Variants in SDCCAG8 observed in about 807,000 individuals in gnomAD.
SDCCAG8 encodes SHH signaling and ciliogenesis regulator SDCCAG8, also known as serologically defined colon cancer antigen 8.
In SDCCAG8, 74 loss-of-function variants were observed where a neutral mutation model predicts 101.8. That is an observed-to-expected ratio of 0.73 (90% confidence interval 0.60 to 0.88). The LOEUF is 0.88. SDCCAG8 is among the 40% of genes least tolerant of loss of function. SDCCAG8 has a pLI of 0.00. For synonymous variants in SDCCAG8, 281 were observed against 292.9 expected, an observed-to-expected ratio of 0.96 and a Z score of 0.41; for missense variants, 787 against 822.6, an observed-to-expected ratio of 0.96 and a Z score of 0.53.
At chr1:243,259,586 G>T (rs187987985) in intron 1 of SDCCAG8, among the ~76,000 whole-genome samples, 53 of 152,224 alleles carry the variant, frequency 3.5e-4, no homozygotes, top group African/African-American at 8.9e-4. Flanking sequence ...TTGGGAGGCC[G>T]AGGCGGGCAG....
chr1:243,484,849 G>T (rs190987695), intron 16 of SDCCAG8, among the ~76,000 whole-genome samples: 48 of 152,260 alleles, frequency 3.2e-4, no homozygotes, highest in South Asian at 1.0e-3. Context: ...TTAGAGACCA[G>T]CCTGGCCAAC....
chr1:243,368,062 A>T (rs1005894477), intron 12 of SDCCAG8, among the ~76,000 whole-genome samples: 1 of 151,944 alleles, frequency 6.6e-6, no homozygotes, highest in Admixed American at 6.6e-5. Context: ...AAAAAAATAC[A>T]GAAATTAGCC....
At chr1:243,292,292 T>A (rs900504979) in intron 5 of SDCCAG8, among the ~76,000 whole-genome samples, 1 of 152,202 alleles carries the variant, frequency 6.6e-6, no homozygotes, top group Non-Finnish European at 1.5e-5. Context: ...AGTCTTCTAA[T>A]CATGGACTGC....
At chr1:243,264,625 A>G (rs1421966975) in intron 1 of SDCCAG8, among the ~76,000 whole-genome samples, 1 of 152,182 alleles carries the variant, frequency 6.6e-6, no homozygotes, top group Non-Finnish European at 1.5e-5. Flanking sequence ...CAAAAAAAAA[A>G]GAAGAAAGAA....
chr1:243,460,315 G>A (rs1658812647), intron 16 of SDCCAG8, among the ~76,000 whole-genome samples: 1 of 152,042 alleles, frequency 6.6e-6, no homozygotes, highest in South Asian at 2.1e-4. Flanking sequence ...CAAAGTGTGT[G>A]TAGCGAGCAC....
intron 13 of SDCCAG8, among the ~76,000 whole-genome samples, chr1:243,399,736 A>G (rs2079254625): frequency 6.6e-6 from 1 of 152,094 alleles, no homozygotes; most frequent in African/African-American, 2.4e-5. Flanking sequence ...CAAGCTCCTG[A>G]CTAGGCTCAA....
intron 16 of SDCCAG8, among the ~76,000 whole-genome samples, chr1:243,450,956 A>G (rs766566837): frequency 2.0e-5 from 3 of 152,258 alleles, no homozygotes; most frequent in Non-Finnish European, 4.4e-5. Flanking sequence ...TTAATATAGC[A>G]TTTAATTCTA....
intron 6 of SDCCAG8, among the ~76,000 whole-genome samples, chr1:243,298,654 C>T (rs143132024): frequency 1.3e-5 from 2 of 152,214 alleles, no homozygotes; most frequent in Non-Finnish European, 2.9e-5. Flanking sequence ...TACAACCTAC[C>T]TGGAATTTAT....
chr1:243,373,323 G>A (rs1018760788), intron 12 of SDCCAG8, among the ~76,000 whole-genome samples: 14 of 152,088 alleles, frequency 9.2e-5, no homozygotes, highest in African/African-American at 3.4e-4. Flanking sequence ...TCATGCAGTT[G>A]TTTCAAATAT....
chr1:243,342,201 G>T (rs2075416601), intron 11 of SDCCAG8, among the ~76,000 whole-genome samples: 1 of 152,172 alleles, frequency 6.6e-6, no homozygotes, highest in Non-Finnish European at 1.5e-5. Context: ...TAGATTTATA[G>T]GTGAAAGCTA....
At chr1:243,400,402 C>G (rs900817261) in intron 13 of SDCCAG8, among the ~76,000 whole-genome samples, 1 of 152,204 alleles carries the variant, frequency 6.6e-6, no homozygotes, top group African/African-American at 2.4e-5. Flanking sequence ...TGTATCTCAT[C>G]AGTGCCTCTG....
intron 16 of SDCCAG8, among the ~76,000 whole-genome samples, chr1:243,446,529 G>A (rs1347314723): frequency 6.6e-6 from 1 of 152,144 alleles, no homozygotes; most frequent in East Asian, 1.9e-4. Context: ...GCCTCCCATT[G>A]GGATTATAGG....
Position 243,289,938 on chromosome 1 carries a change from A to G in SDCCAG8, c.547-3153A>G, listed in dbSNP as rs2070057402. 2.0e-5 allele frequency among the ~76,000 whole-genome samples: 3 copies of G among 152,018 alleles called. No individual in the cohort carries two copies. The South Asian group carries it at 6.2e-4, about 32-fold the overall frequency. On this transcript the variant is annotated intron_variant, in intron 5 of 17. Coordinates refer to ENST00000366541, the MANE Select transcript of SDCCAG8 (RefSeq NM_006642.5). ...AGACTTTCAACTTTTGGTCTAGTTT[A>G]TGACCTAGAAGTTAAAGAAGCAAGC...
At chr1:243,333,553 A>G (rs1219678673) in intron 10 of SDCCAG8, among the ~76,000 whole-genome samples, 2 of 152,112 alleles carry the variant, frequency 1.3e-5, no homozygotes, top group Non-Finnish European at 2.9e-5. Flanking sequence ...TTCTTGAAAG[A>G]TTTGTCCATA....
At chr1:243,335,019 C>T (rs965060805) in intron 10 of SDCCAG8, among the ~76,000 whole-genome samples, 19 of 152,220 alleles carry the variant, frequency 1.2e-4, no homozygotes, top group Admixed American at 3.3e-4. Flanking sequence ...TTCAGTGAGT[C>T]CCTTGCATGT....
chr1:243,287,304 T>C (rs1238089530), intron 5 of SDCCAG8, among the ~76,000 whole-genome samples: 4 of 152,242 alleles, frequency 2.6e-5, no homozygotes, highest in Non-Finnish European at 5.9e-5. Context: ...AGCTTCACTT[T>C]GCAGTTTACT....
At chr1:243,329,261 GTTAA>G (rs1354009053) in intron 9 of SDCCAG8, among the ~76,000 whole-genome samples, 14 of 152,022 alleles carry the variant, frequency 9.2e-5, no homozygotes, top group Non-Finnish European at 1.8e-4. Context: ...TTGTTTATTA[GTTAA>G]TCTGAGACAA....
chr1:243,272,894 GA>G (rs1406336236), intron 3 of SDCCAG8, among the ~76,000 whole-genome samples: 4 of 151,998 alleles, frequency 2.6e-5, no homozygotes, highest in East Asian at 3.8e-4. Flanking sequence ...TGTTGAGATG[GA>G]AAAAAAGTTA....
intron 4 of SDCCAG8, among the ~76,000 whole-genome samples, chr1:243,275,973 C>A (rs1442271034): frequency 6.7e-6 from 1 of 149,890 alleles, no homozygotes; most frequent in African/African-American, 2.5e-5. Context: ...AAGCTATTCT[C>A]CTGCCTCAGC....
Sources: allele counts gnomAD v4.1 joint callset (sites outside exome capture counted in the v4.1 genomes callset), GRCh38; gene constraint gnomAD v4.1.1; transcripts MANE v1.5; gene names NCBI Gene and HGNC (gene_info 2026-07-23, HGNC 2026-07-21).